CCDC77: variants seen among roughly 807,000 people sequenced by gnomAD.
CCDC77 encodes the protein coiled-coil domain containing 77.
A neutral mutation model predicts 66.8 loss-of-function variants in CCDC77; 56 were observed. The ratio of observed to expected loss-of-function variants is 0.84; its 90% CI spans 0.68 to 1.05. CCDC77 has a LOEUF of 1.05. Among genes scored for constraint, CCDC77 ranks in the 50% least tolerant of loss-of-function variants. The pLI is 0.00. For synonymous variants in CCDC77, 196 were observed against 195.2 expected (o/e 1.00, Z -0.03); for missense variants, 570 against 576.8 (o/e 0.99, Z 0.12).
In CCDC77 at chr12:411,839, C is replaced by A. The variant is rs759355080; in HGVS notation, c.131C>A (p.Ser44Tyr). ...ADSLESTPLP[S>Y]PEDRLAKLHP... ...TCACTGGAGTCAACCCCCTTGCCTTCCCCCGAAGATCGTCTGGCCAAACTC... is the reference window on the plus strand; with the variant it reads ...TCACTGGAGTCAACCCCCTTGCCTTACCCCGAAGATCGTCTGGCCAAACTC... The change falls in exon 4 of 13, where the codon TCC (serine) becomes TAC (tyrosine). Residue 44 changes from serine to tyrosine, a missense_variant. Ser to Tyr is a moderately radical substitution (Grantham distance 144, BLOSUM62 -2). Transcript: ENST00000239830. 89 of 1,613,828 alleles carry A rather than the reference C, an allele frequency of 5.5e-5. No homozygotes were observed. The highest frequency in any genetic ancestry group is 6.9e-5 in the Non-Finnish European group (81 of 1,179,978).
intron 4 of CCDC77, among the ~76,000 whole-genome samples, chr12:415,357 T>C (rs1376214743): frequency 1.7e-5 from 2 of 115,028 alleles, no homozygotes; most frequent in African/African-American, 3.2e-5. Context: ...ATCAACATAA[T>C]ATTATGTTAA....
At position 411,925 on chromosome 12, in the gene CCDC77, A is replaced by G; in HGVS notation, c.217A>G (p.Asn73Asp). Residue 73 changes from asparagine (N) to aspartate (D), a missense_variant, in exon 4 of 13, where the codon AAT becomes GAT. Coordinates refer to ENST00000239830, the MANE Select transcript of CCDC77 (RefSeq NM_032358.4). ...GAAGATGGCTGAGTGTGAGGCAGAA[A>G]ATGAGGACTTGCTGAAGAAACTGGA... ...QKKMAECEAENEDLLKKLELY... is the reference protein window; with the variant it reads ...QKKMAECEAEDEDLLKKLELY... 6.2e-7 allele frequency: 1 copy of G among 1,614,080 alleles called. No homozygotes were observed.
At chr12:434,736 G>A (rs1945717060) in intron 9 of CCDC77, among the ~76,000 whole-genome samples, 1 of 152,176 alleles carries the variant, frequency 6.6e-6, no homozygotes, top group Non-Finnish European at 1.5e-5. Flanking sequence ...TGGCATCACT[G>A]ATCAGCCCCT....
At chr12:441,079 G>C in intron 12 of CCDC77, 83 bp downstream of exon 12, 3 of 1,434,540 alleles carry the variant, frequency 2.1e-6, no homozygotes, top group Non-Finnish European at 2.9e-6. Context: ...TGAAAAGAAG[G>C]ATGTGCTGTT....
At chr12:416,686 A>C (rs1244465405) in intron 4 of CCDC77, among the ~76,000 whole-genome samples, 1 of 151,622 alleles carries the variant, frequency 6.6e-6, no homozygotes, top group Non-Finnish European at 1.5e-5. Context: ...GTATATTCAC[A>C]TTGTTGTGTG....
At chr12:413,376 A>T (rs189827598) in intron 4 of CCDC77, among the ~76,000 whole-genome samples, 73 of 149,220 alleles carry the variant, frequency 4.9e-4, no homozygotes, top group Admixed American at 9.4e-4. Context: ...AGCTGGGACT[A>T]CTGGTGCCTG....
chr12:420,326 T>C (rs1945374222), intron 5 of CCDC77, among the ~76,000 whole-genome samples: 1 of 8,208 alleles, frequency 1.2e-4, no homozygotes, highest in Non-Finnish European at 1.7e-4. Context: ...TCTGTGTGTG[T>C]GTGCTGGGAG....
At chr12:409,219 A>G in intron 2 of CCDC77, 149 bp from the exon 3 acceptor site, 1 of 639,860 alleles carries the variant, frequency 1.6e-6, no homozygotes, top group Non-Finnish European at 2.7e-6. Context: ...TCAAAAAAAA[A>G]AAAAAGAAAA....
At chr12:399,524 G>C (rs148174948), upstream of CCDC77, among the ~76,000 whole-genome samples, 1,049 of 152,264 alleles carry the variant, frequency 6.9e-3, 17 homozygotes, top group African/African-American at 0.025. Flanking sequence ...TGATCCATGA[G>C]CTGCAGAATG....
At chr12:419,499 C>CTCTTCTGTGTGTGTGTGCTGGG in intron 5 of CCDC77, among the ~76,000 whole-genome samples, 1 of 111,072 alleles carries the variant, frequency 9.0e-6, no homozygotes, top group Non-Finnish European at 1.8e-5. Flanking sequence ...CATTACAGTG[C>CTCTTCTGTGTGTGTGTGCTGGG]ACTTCTGTGT....
chr12:413,626 A>ATTTTTT (rs573170612), intron 4 of CCDC77, among the ~76,000 whole-genome samples: 3 of 115,512 alleles, frequency 2.6e-5, no homozygotes, highest in African/African-American at 6.6e-5. Flanking sequence ...ACTGAATGGG[A>ATTTTTT]TTTTTTTTTT....
chr12:396,427 AAAC>A (rs990854768), intron 1 of CCDC77, among the ~76,000 whole-genome samples: 19 of 152,240 alleles, frequency 1.2e-4, no homozygotes, highest in African/African-American at 3.9e-4. Flanking sequence ...AAAGGAAGAA[AAAC>A]AACTGTTTAA....
intron 3 of CCDC77, 28 bp from the exon 4 acceptor site, chr12:411,719 T>C (rs562220233): frequency 1.3e-6 from 2 of 1,573,630 alleles, no homozygotes; most frequent in Non-Finnish European, 8.7e-7. Flanking sequence ...CAGAGTGTGA[T>C]GAATATATCA....
chr12:399,173 A>AT (rs1319750561), upstream of CCDC77, among the ~76,000 whole-genome samples: 29 of 146,430 alleles, frequency 2.0e-4, no homozygotes, highest in African/African-American at 7.4e-4. Flanking sequence ...GCCTTATGAA[A>AT]TATTTTTTTT....
intron 10 of CCDC77, among the ~76,000 whole-genome samples, chr12:440,080 G>T: frequency 6.6e-6 from 1 of 152,196 alleles, no homozygotes; most frequent in East Asian, 1.9e-4. Context: ...GGAGGAAGTG[G>T]TATGCTCTTT....
Position 411,948 on chromosome 12 carries a change from G to T in CCDC77, c.240G>T (p.Leu80=). ...AAAATGAGGACTTGCTGAAGAAACT[G>T]GAACTCTACAAAGAAGCTTGTGAAG... ...EAENEDLLKK[L]ELYKEACEGQ... The change falls in exon 4 of 13, where the codon CTG becomes CTT. Residue 80 remains leucine (L), a synonymous_variant. Coordinates refer to ENST00000239830, the MANE Select transcript of CCDC77 (RefSeq NM_032358.4). The T allele has an allele frequency of 6.2e-7, 1 of 1,613,892 alleles. No homozygotes were observed. The highest frequency in any genetic ancestry group is 8.5e-7 in the Non-Finnish European group (1 of 1,179,936).
At chr12:429,521 G>C (rs968704776) in intron 6 of CCDC77, among the ~76,000 whole-genome samples, 2 of 150,000 alleles carry the variant, frequency 1.3e-5, no homozygotes, top group Non-Finnish European at 2.9e-5. Flanking sequence ...AGTGCAATGC[G>C]CAATCTCGGC....
intron 2 of CCDC77, among the ~76,000 whole-genome samples, chr12:406,332 C>T (rs1354032177): frequency 6.6e-6 from 1 of 152,090 alleles, no homozygotes; most frequent in Non-Finnish European, 1.5e-5. Flanking sequence ...GGGAGTAAGC[C>T]ACATAGATAA....
rs374743986 is a variant in CCDC77, at chr12:406,157, G to A, written c.-17+593G>A. ...ACTCCTGGACTCAAGCAGTCTATCC[G>A]CCTTGGCCTCCCAAAGTGCTGAGAT... On this transcript the variant is annotated intron_variant, in intron 2 of 12. Coordinates refer to ENST00000239830, the MANE Select transcript of CCDC77 (RefSeq NM_032358.4). Among the ~76,000 whole-genome samples, 75 of 152,198 alleles carry A rather than the reference G, an allele frequency of 4.9e-4. 2 individuals carry two copies. The South Asian group carries it at 0.015, about 30-fold the overall frequency.
Sources: gnomAD v4.1 joint callset for allele counts (sites outside exome capture counted in the v4.1 genomes callset) on GRCh38, gnomAD v4.1.1 for gene constraint, MANE v1.5 for transcripts, NCBI Gene and HGNC (gene_info 2026-07-23, HGNC 2026-07-21) for gene names.